The following AGBL4 variants were observed in gnomAD, a reference collection of about 807,000 sequenced individuals.
The protein encoded by AGBL4 is cytosolic carboxypeptidase 6.
Under a neutral mutation model 66.4 loss-of-function variants are expected in AGBL4, and 58 were observed. The ratio of observed to expected loss-of-function variants is 0.87; its 90% CI spans 0.71 to 1.09. AGBL4 has a LOEUF of 1.09. AGBL4 is among the 50% of genes least tolerant of loss of function. The pLI is 0.00. For missense variants in AGBL4, 579 were observed against 631.0 expected (o/e 0.92, Z 0.88); for synonymous variants, 234 against 222.9 (o/e 1.05, Z -0.44).
chr1:49,205,758 A>C (rs889233187), intron 4 of AGBL4, among the ~76,000 whole-genome samples: 1 of 152,176 alleles, frequency 6.6e-6, no homozygotes, highest in African/African-American at 2.4e-5. Flanking sequence ...TATCTGTTGC[A>C]TAATGTTAAT....
intron 2 of AGBL4, among the ~76,000 whole-genome samples, chr1:49,836,783 A>C (rs992540101): frequency 7.9e-5 from 12 of 151,972 alleles, no homozygotes; most frequent in African/African-American, 2.9e-4. Context: ...CTTTTTGTTG[A>C]TGTTGATGCT....
chr1:49,334,068 AATAATT>A (rs1031513251), intron 3 of AGBL4, among the ~76,000 whole-genome samples: 1 of 152,198 alleles, frequency 6.6e-6, no homozygotes, highest in Non-Finnish European at 1.5e-5. Flanking sequence ...AGCCATGAGT[AATAATT>A]ATAATTATAA....
intron 2 of AGBL4, among the ~76,000 whole-genome samples, chr1:49,813,577 C>G (rs1046614916): frequency 6.6e-6 from 1 of 152,124 alleles, no homozygotes; most frequent in Non-Finnish European, 1.5e-5. Context: ...TTCATTTACT[C>G]ACTTATGTAA....
intron 3 of AGBL4, among the ~76,000 whole-genome samples, chr1:49,540,933 T>C (rs1038528584): frequency 2.0e-5 from 3 of 152,198 alleles, no homozygotes; most frequent in Non-Finnish European, 2.9e-5. Flanking sequence ...TTATATATAA[T>C]AATTGTACCA....
intron 7 of AGBL4, among the ~76,000 whole-genome samples, chr1:48,662,158 A>G (rs574373272): frequency 6.6e-6 from 1 of 152,358 alleles, no homozygotes; most frequent in African/African-American, 2.4e-5. Flanking sequence ...ATAGTTTACA[A>G]AGCAGATTAC....
intron 3 of AGBL4, among the ~76,000 whole-genome samples, chr1:49,434,950 A>G (rs1381759636): frequency 6.6e-6 from 1 of 152,002 alleles, no homozygotes; most frequent in Non-Finnish European, 1.5e-5. Context: ...GCACCCTTGC[A>G]ATGACATTGG....
At chr1:48,883,206 T>C (rs1649959093) in intron 5 of AGBL4, among the ~76,000 whole-genome samples, 1 of 152,226 alleles carries the variant, frequency 6.6e-6, no homozygotes, top group African/African-American at 2.4e-5. Flanking sequence ...TTTTCTATAA[T>C]GGCTGTGCCA....
chr1:49,818,847 T>C (rs1250924402), intron 2 of AGBL4, among the ~76,000 whole-genome samples: 1 of 152,108 alleles, frequency 6.6e-6, no homozygotes, highest in Non-Finnish European at 1.5e-5. Flanking sequence ...TTTTGACAAA[T>C]TGATAATATT....
At chr1:49,746,484 C>G (rs538237831) in intron 2 of AGBL4, among the ~76,000 whole-genome samples, 1 of 151,840 alleles carries the variant, frequency 6.6e-6, no homozygotes, top group Admixed American at 6.6e-5. Flanking sequence ...AACATAGTAT[C>G]CTGATCCTTG....
intron 1 of AGBL4, among the ~76,000 whole-genome samples, chr1:49,884,201 T>C (rs1448215461): frequency 6.6e-6 from 1 of 151,966 alleles, no homozygotes; most frequent in Non-Finnish European, 1.5e-5. Context: ...AGATTTAAGA[T>C]TGAATCCACC....
intron 3 of AGBL4, among the ~76,000 whole-genome samples, chr1:49,396,822 G>C (rs1644984110): frequency 6.6e-6 from 1 of 152,094 alleles, no homozygotes; most frequent in African/African-American, 2.4e-5. Flanking sequence ...ACATAAGATA[G>C]GGCTTCAATA....
At chr1:49,120,648 C>T (rs1645633612) in intron 4 of AGBL4, among the ~76,000 whole-genome samples, 1 of 152,086 alleles carries the variant, frequency 6.6e-6, no homozygotes, top group South Asian at 2.1e-4. Context: ...GGTGCCTTAA[C>T]ATTTCAACCT....
chr1:49,596,129 G>A (rs1247109557), intron 3 of AGBL4, among the ~76,000 whole-genome samples: 1 of 152,176 alleles, frequency 6.6e-6, no homozygotes, highest in Non-Finnish European at 1.5e-5. Context: ...GTCTTGAGGA[G>A]CCTGTGACCA....
At chr1:49,698,642 T>C (rs1647030933) in intron 2 of AGBL4, among the ~76,000 whole-genome samples, 2 of 152,066 alleles carry the variant, frequency 1.3e-5, no homozygotes, top group Non-Finnish European at 2.9e-5. Flanking sequence ...CTGGTAGGAA[T>C]AATAAACAAA....
chr1:48,710,439 G>A (rs1292667529), intron 6 of AGBL4, among the ~76,000 whole-genome samples: 1 of 152,216 alleles, frequency 6.6e-6, no homozygotes, highest in African/African-American at 2.4e-5. Context: ...GAGCCAGAGC[G>A]TGGGGTGGTT....
intron 3 of AGBL4, among the ~76,000 whole-genome samples, chr1:49,385,918 C>T (rs980968635): frequency 1.3e-5 from 2 of 151,974 alleles, no homozygotes. Context: ...ATCACCTTTG[C>T]TATGTATATA....
intron 5 of AGBL4, among the ~76,000 whole-genome samples, chr1:49,008,577 T>C (rs1662066698): frequency 6.8e-6 from 1 of 146,152 alleles, no homozygotes; most frequent in South Asian, 2.3e-4. Flanking sequence ...AATATACATT[T>C]TTTTCAGCAC....
intron 6 of AGBL4, among the ~76,000 whole-genome samples, chr1:48,715,055 G>C (rs1647027570): frequency 6.6e-6 from 1 of 152,198 alleles, no homozygotes; most frequent in South Asian, 2.1e-4. Context: ...CCCTGAGGTG[G>C]GGTGGGTGCC....
intron 5 of AGBL4, among the ~76,000 whole-genome samples, chr1:48,915,851 A>G (rs1653540673): frequency 6.6e-6 from 1 of 152,210 alleles, no homozygotes; most frequent in Non-Finnish European, 1.5e-5. Context: ...TGATAGGGGT[A>G]AGATTTAGAT....
Sources: allele counts gnomAD v4.1 joint callset (sites outside exome capture counted in the v4.1 genomes callset), GRCh38; gene constraint gnomAD v4.1.1; transcripts MANE v1.5; gene names NCBI Gene and HGNC (gene_info 2026-07-23, HGNC 2026-07-21).